Variants in VWCE observed in about 807,000 individuals in gnomAD.
VWCE encodes von Willebrand factor C and EGF domains, also known as von Willebrand factor C and EGF domain-containing protein.
A neutral mutation model predicts 102.9 loss-of-function variants in VWCE; 68 were observed. The observed-to-expected ratio is 0.66, with a 90% CI of 0.54 to 0.81. The LOEUF is 0.81. Among genes scored for constraint, VWCE ranks in the 30% least tolerant of loss-of-function variants. The probability of loss-of-function intolerance (pLI) is 0.00; values close to 1 mark genes in which losing one functional copy is unlikely to be tolerated. For missense variants in VWCE, 1,137 were observed against 1,263.6 expected, an observed-to-expected ratio of 0.90 and a Z score of 1.52; for synonymous variants, 497 against 515.4, an observed-to-expected ratio of 0.96 and a Z score of 0.48.
At chr11:61,275,287 A>T (rs983527689) in intron 11 of VWCE, among the ~76,000 whole-genome samples, 1 of 152,148 alleles carries the variant, frequency 6.6e-6, no homozygotes, top group Non-Finnish European at 1.5e-5. Context: ...CAGCGAAAAA[A>T]CAGCCTTAGA....
intron 7 of VWCE, 72 bp downstream of exon 7, chr11:61,281,714 T>C: frequency 1.5e-6 from 2 of 1,328,068 alleles, no homozygotes; most frequent in East Asian, 2.8e-5. Flanking sequence ...GGCCAGGCTA[T>C]GGGGGGGCGT....
intron 15 of VWCE, 88 bp downstream of exon 15, chr11:61,268,834 G>A (rs144289274): frequency 3.7e-6 from 5 of 1,346,766 alleles, no homozygotes; most frequent in African/African-American, 2.9e-5. Context: ...TTGTTAGGAC[G>A]ACATGAGATG....
At chr11:61,292,956 T>A (rs1855553190) in intron 1 of VWCE, among the ~76,000 whole-genome samples, 2 of 149,490 alleles carry the variant, frequency 1.3e-5, no homozygotes, top group Admixed American at 6.6e-5. Context: ...AAAAAAAAAA[T>A]ACAGGCCGGG....
chr11:61,266,318 T>C (rs1290831343), intron 16 of VWCE, among the ~76,000 whole-genome samples: 2 of 152,170 alleles, frequency 1.3e-5, no homozygotes, highest in African/African-American at 4.8e-5. Context: ...GGTGCGAGGA[T>C]TGCCTGAGCC....
rs1198792634 is a variant in VWCE, at chr11:61,264,987, TC to T, written c.2107del (p.Asp703MetfsTer15). On this transcript the variant is annotated frameshift_variant, in exon 18 of 20. Coordinates refer to ENST00000335613, the MANE Select transcript of VWCE (RefSeq NM_152718.2). LOFTEE classifies it high-confidence loss of function. ...CGTGCACCGGGTGCAGGGTTCATCA[TC>T]CAAGGTGAACACCTGGCCATTCGCC... ...KVANGQVFTL[D>X]DEPCTRCTCQ... 2 of 1,614,110 alleles carry T rather than the reference TC, an allele frequency of 1.2e-6. No homozygotes were observed. Among genetic ancestry groups the T allele is most frequent in the Non-Finnish European group, 1.7e-6 (2 of 1,180,038 alleles).
intron 4 of VWCE, among the ~76,000 whole-genome samples, chr11:61,289,319 C>T (rs1454747806): frequency 2.0e-5 from 3 of 149,198 alleles, no homozygotes; most frequent in Non-Finnish European, 3.0e-5. Context: ...GGTGTGATCT[C>T]GGCTCACTGC....
intron 5 of VWCE, among the ~76,000 whole-genome samples, chr11:61,285,711 G>A (rs142194047): frequency 5.9e-5 from 9 of 152,090 alleles, no homozygotes; most frequent in Non-Finnish European, 1.2e-4. Context: ...CTCTCCTCAC[G>A]GCCTCTCCTC....
In VWCE at chr11:61,258,404, C is replaced by T. The variant is rs1854246676; in HGVS notation, c.*271G>A. The T allele has an allele frequency of 3.1e-6, 1 of 318,666 alleles. No homozygotes were observed. The highest frequency in any genetic ancestry group is 5.7e-6 in the Non-Finnish European group (1 of 176,226). The allele number at this position is 318,666 out of a possible 1,614,324, so 19.7% of individuals were successfully genotyped here. ...CAACTCTTCCTCCAGGAGAACTTGG[C>T]AGTCCCAACCCTTCTCAAAAGATGA... On this transcript the variant is annotated 3_prime_UTR_variant, in exon 20 of 20. Coordinates refer to ENST00000335613, the MANE Select transcript of VWCE (RefSeq NM_152718.2).
chr11:61,281,692 G>A (rs1855140840), intron 7 of VWCE, 94 bp downstream of exon 7: 4 of 1,443,714 alleles, frequency 2.8e-6, no homozygotes, highest in African/African-American at 2.9e-5. Context: ...CCGGGAGGGC[G>A]TGACGGGGAG....
In VWCE at chr11:61,295,241, G is replaced by T. The variant is rs1025056892; in HGVS notation, c.-204C>A. ...GAGGGGACGCGGCGGACGATTGTGG[G>T]GAGGGTCTCTGGCACCTCGAAGCGA... On this transcript the variant is annotated 5_prime_UTR_variant, in exon 1 of 20. Coordinates refer to ENST00000335613, the MANE Select transcript of VWCE (RefSeq NM_152718.2). This position sits in a 1 kb window ranked among gnomAD's most constrained non-coding sequence, Gnocchi z 4.6. The T allele has an allele frequency of 2.6e-6, 1 of 381,758 alleles. No individual in the cohort carries two copies. The highest frequency in any genetic ancestry group is 4.6e-6 in the Non-Finnish European group (1 of 215,844). 23.6% of individuals were successfully genotyped at this position (381,758 alleles called of 1,614,324 possible).
At chr11:61,289,773 C>A (rs956476969) in intron 4 of VWCE, among the ~76,000 whole-genome samples, 3 of 152,114 alleles carry the variant, frequency 2.0e-5, no homozygotes, top group Admixed American at 2.0e-4. Context: ...CAAATATCTC[C>A]GGGTGGGGAC....
At chr11:61,263,954 A>AGT (rs1402393232) in intron 19 of VWCE, among the ~76,000 whole-genome samples, 3 of 152,018 alleles carry the variant, frequency 2.0e-5, no homozygotes, top group African/African-American at 7.2e-5. Flanking sequence ...GGCCGGGCGC[A>AGT]GTGGCTCACG....
Position 61,264,991 on chromosome 11 carries a change from A to G in VWCE, c.2104T>C (p.Leu702=). 3 of 1,614,084 alleles carry G rather than the reference A, an allele frequency of 1.9e-6. No homozygotes were observed. The highest frequency in any genetic ancestry group is 2.5e-6 in the Non-Finnish European group (3 of 1,180,018). ...RKVANGQVFT[L]DDEPCTRCTC... is the part of the protein sequence containing the mutation. ...CACCGGGTGCAGGGTTCATCATCCA[A>G]GGTGAACACCTGGCCATTCGCCACC... Residue 702 remains leucine (L), a synonymous_variant, in exon 18 of 20, where the codon TTG becomes CTG. Transcript: ENST00000335613.
At chr11:61,263,838 A>AT (rs1383529655) in intron 19 of VWCE, among the ~76,000 whole-genome samples, 1 of 152,138 alleles carries the variant, frequency 6.6e-6, no homozygotes. Flanking sequence ...CATATTAGAG[A>AT]TTACTCTTCT....
intron 11 of VWCE, 30 bp downstream of exon 11, chr11:61,276,563 A>G (rs1854917001): frequency 1.4e-6 from 2 of 1,477,654 alleles, no homozygotes; most frequent in Non-Finnish European, 1.8e-6. Flanking sequence ...AAAAAAAAAA[A>G]AAGCAAAATG....
intron 14 of VWCE, chr11:61,271,382 T>C: frequency 3.2e-6 from 1 of 307,986 alleles, no homozygotes; most frequent in Non-Finnish European, 6.4e-6. Flanking sequence ...CCTGACCTTG[T>C]GATCCACCCA....
At chr11:61,269,618 G>A (rs949404686) in intron 14 of VWCE, among the ~76,000 whole-genome samples, 1 of 150,888 alleles carries the variant, frequency 6.6e-6, no homozygotes, top group Admixed American at 6.6e-5. Context: ...GCTAATTTTT[G>A]TATATTTAGT....
At chr11:61,263,343 C>T (rs1242722135) in intron 19 of VWCE, among the ~76,000 whole-genome samples, 1 of 149,706 alleles carries the variant, frequency 6.7e-6, no homozygotes, top group African/African-American at 2.5e-5. Context: ...TTTGCAACAA[C>T]ATGGATGAAA....
intron 10 of VWCE, among the ~76,000 whole-genome samples, chr11:61,277,513 T>C (rs1271135410): frequency 6.6e-6 from 1 of 151,206 alleles, no homozygotes; most frequent in Non-Finnish European, 1.5e-5. Flanking sequence ...CCTGGGAGAC[T>C]GAGATGGGAG....
Sources: gnomAD v4.1 joint callset for allele counts (sites outside exome capture counted in the v4.1 genomes callset) on GRCh38, gnomAD v4.1.1 for gene constraint, Gnocchi (gnomAD v3.1) non-coding constraint, MANE v1.5 for transcripts, NCBI Gene and HGNC (gene_info 2026-07-23, HGNC 2026-07-21) for gene names.